Variants in CC2D2B observed in about 807,000 individuals in gnomAD.
The protein encoded by CC2D2B is coiled-coil and C2 domain containing 2B, also known as protein CC2D2B.
A neutral mutation model predicts 161.2 loss-of-function variants in CC2D2B; 128 were observed. The ratio of observed to expected loss-of-function variants is 0.79; its 90% confidence interval spans 0.69 to 0.92. The LOEUF (loss-of-function observed/expected upper bound fraction) is 0.92. CC2D2B is among the 40% of genes least tolerant of loss of function. CC2D2B has a pLI of 0.00. For missense variants in CC2D2B, 1,173 were observed against 1,375.1 expected (o/e 0.85, Z 2.32); for synonymous variants, 391 against 449.8 (o/e 0.87, Z 1.65).
At chr10:95,976,684 A>AT (rs1436026406) in intron 17 of CC2D2B, among the ~76,000 whole-genome samples, 1 of 152,232 alleles carries the variant, frequency 6.6e-6, no homozygotes, top group Non-Finnish European at 1.5e-5. Flanking sequence ...TCACTTACTC[A>AT]TTCATCAAAC....
chr10:95,985,649 A>G (rs969654502), intron 19 of CC2D2B, among the ~76,000 whole-genome samples: 19 of 152,208 alleles, frequency 1.2e-4, no homozygotes, highest in Admixed American at 1.2e-3. Flanking sequence ...ACCTTGAAAA[A>G]AGAACAGGAT....
intron 9 of CC2D2B, among the ~76,000 whole-genome samples, chr10:95,947,106 TATA>T (rs1177243268): frequency 5.1e-4 from 19 of 37,182 alleles, no homozygotes; most frequent in African/African-American, 1.6e-3. Flanking sequence ...TATATATATA[TATA>T]TATATTTTTT....
At position 95,938,914 on chromosome 10, in the gene CC2D2B, A is replaced by G. The variant is rs772268804; in HGVS notation, c.790A>G (p.Ile264Val). 109 of 682,804 alleles carry G rather than the reference A, an allele frequency of 1.6e-4. 2 individuals carry two copies. Among genetic ancestry groups the G allele is most frequent in the Admixed American group, 1.0e-4 (4 of 39,720 alleles). The allele number at this position is 682,804 out of a possible 1,614,324, so 42.3% of individuals were successfully genotyped here. A position where few individuals can be genotyped will look rare whatever the true frequency, so the allele number is the denominator to read the frequency against. Residue 264 changes from isoleucine (I) to valine (V), a missense_variant, in exon 9 of 35, where the codon ATA becomes GTA. Transcript: ENST00000646931. ...ACCTTTAAATCCATTACTTAAGACC[A>G]TATACAGGAAGGTAACCAACAACAA... ...KEPLNPLLKT[I>V]YRKAVKYDLG... is the part of the protein sequence containing the mutation.
intron 34 of CC2D2B, among the ~76,000 whole-genome samples, 186 bp downstream of exon 34, chr10:96,027,575 C>G (rs1238613135): frequency 1.3e-5 from 2 of 152,134 alleles, no homozygotes; most frequent in African/African-American, 4.8e-5. Context: ...CCAAAGCAAT[C>G]TACAGATTCA....
chr10:96,012,772 G>T (rs770864858), intron 28 of CC2D2B, 43 bp downstream of exon 28: 20 of 1,224,076 alleles, frequency 1.6e-5, no homozygotes, highest in Non-Finnish European at 6.0e-6. Context: ...TGATTAAAGG[G>T]CATCTGTGAA....
chr10:95,980,156 G>A (rs1404941180), intron 17 of CC2D2B, among the ~76,000 whole-genome samples: 1 of 140,924 alleles, frequency 7.1e-6, no homozygotes, highest in Non-Finnish European at 1.5e-5. Context: ...ATCTTCAATC[G>A]AAAAGAAGAG....
chr10:96,010,811 A>G (rs1326195820), intron 26 of CC2D2B, among the ~76,000 whole-genome samples: 1 of 152,194 alleles, frequency 6.6e-6, no homozygotes, highest in Non-Finnish European at 1.5e-5. Flanking sequence ...TAAGGGCTTA[A>G]TTTAGATTGC....
chr10:96,019,381 GTCACCCTGGCTACACACTAGAA>G (rs779956760), intron 31 of CC2D2B, 44 bp downstream of exon 31: 2 of 1,551,036 alleles, frequency 1.3e-6, no homozygotes, highest in East Asian at 4.5e-5. Flanking sequence ...CTCCTCTAGA[GTCACCCTGGCTACACACTAGAA>G]TCACCTGGGG....
At chr10:96,016,166 C>G in intron 29 of CC2D2B, 35 bp from the exon 30 acceptor site, 1 of 1,463,798 alleles carries the variant, frequency 6.8e-7, no homozygotes, top group African/African-American at 1.4e-5. Context: ...CCGCACTTTT[C>G]TTTTTTTGTT....
chr10:95,978,325 G>C (rs1447910235), intron 17 of CC2D2B, among the ~76,000 whole-genome samples: 2 of 151,856 alleles, frequency 1.3e-5, no homozygotes, highest in Non-Finnish European at 2.9e-5. Context: ...TCTCCTTCAG[G>C]ATTTCTTATT....
chr10:95,911,193 T>C (rs1240332873), intron 1 of CC2D2B, 108 bp from the exon 2 acceptor site: 1 of 196,530 alleles, frequency 5.1e-6, no homozygotes, highest in Non-Finnish European at 1.0e-5. Flanking sequence ...ATATCTGTTT[T>C]GTTTCTTGTT....
At chr10:95,936,157 CATAAAGATATTAGGTCAGT>C (rs1356386867) in intron 6 of CC2D2B, among the ~76,000 whole-genome samples, 1 of 152,100 alleles carries the variant, frequency 6.6e-6, no homozygotes, top group Non-Finnish European at 1.5e-5. Context: ...GTAGGGCAAG[CATAAAGATATTAGGTCAGT>C]AGGAGTAAAG....
intron 2 of CC2D2B, among the ~76,000 whole-genome samples, chr10:95,917,455 TTCCATCCGTCCG>T (rs942210912): frequency 3.9e-5 from 6 of 152,122 alleles, no homozygotes; most frequent in African/African-American, 9.7e-5. Flanking sequence ...CCTTCCTTCC[TTCCATCCGTCCG>T]TCCATCCGTC....
intron 6 of CC2D2B, among the ~76,000 whole-genome samples, chr10:95,936,975 C>T (rs577671632): frequency 2.4e-4 from 36 of 152,108 alleles, no homozygotes; most frequent in African/African-American, 7.7e-4. Context: ...TGTGGAGATC[C>T]GCCAAATCTT....
intron 9 of CC2D2B, among the ~76,000 whole-genome samples, chr10:95,948,260 A>T (rs2076290709): frequency 7.3e-6 from 1 of 136,996 alleles, no homozygotes. Context: ...AAACTATACT[A>T]CAAGGCTACA....
intron 25 of CC2D2B, among the ~76,000 whole-genome samples, chr10:96,006,367 T>C (rs2078749259): frequency 6.7e-6 from 1 of 149,152 alleles, no homozygotes; most frequent in African/African-American, 2.4e-5. Context: ...ATAATATATA[T>C]ATACATAACA....
chr10:95,911,760 G>A (rs1456755050), intron 2 of CC2D2B, among the ~76,000 whole-genome samples: 1 of 152,130 alleles, frequency 6.6e-6, no homozygotes, highest in Non-Finnish European at 1.5e-5. Context: ...ATGGAAATGA[G>A]AACTTATGAA....
intron 17 of CC2D2B, among the ~76,000 whole-genome samples, chr10:95,979,498 C>T (rs1202786659): frequency 6.6e-6 from 1 of 151,996 alleles, no homozygotes; most frequent in Non-Finnish European, 1.5e-5. Context: ...AGTAAAGTTC[C>T]CCCCAGATCT....
At chr10:95,970,303 G>C (rs2077081368) in intron 15 of CC2D2B, among the ~76,000 whole-genome samples, 1 of 152,050 alleles carries the variant, frequency 6.6e-6, no homozygotes, top group Non-Finnish European at 1.5e-5. Context: ...CAAAGTGCTG[G>C]GATTGCAGGC....
Sources: gnomAD v4.1 joint callset for allele counts (sites outside exome capture counted in the v4.1 genomes callset) on GRCh38, gnomAD v4.1.1 for gene constraint, MANE v1.5 for transcripts, NCBI Gene and HGNC (gene_info 2026-07-23, HGNC 2026-07-21) for gene names.